CACNA2D3: variants seen among roughly 807,000 people sequenced by gnomAD.
The protein encoded by CACNA2D3 is calcium voltage-gated channel auxiliary subunit alpha2delta 3, also known as voltage-dependent calcium channel subunit alpha-2/delta-3.
In CACNA2D3, 60 loss-of-function variants were observed where a neutral mutation model predicts 160.6. The ratio of observed to expected loss-of-function variants is 0.37; its 90% CI spans 0.30 to 0.46. The LOEUF is 0.46. Among genes scored for constraint, CACNA2D3 ranks in the 20% least tolerant of loss-of-function variants. CACNA2D3 has a pLI of 1.00. For missense variants in CACNA2D3, 1,205 were observed against 1,365.0 expected (o/e 0.88, Z 1.85); for synonymous variants, 558 against 492.9 (o/e 1.13, Z -1.75).
chr3:54,847,350 C>G (rs778409165), intron 17 of CACNA2D3, among the ~76,000 whole-genome samples: 1 of 95,270 alleles, frequency 1.0e-5, no homozygotes, highest in Non-Finnish European at 2.3e-5. Context: ...CTTTAGCAAT[C>G]AACAAACACA....
intron 35 of CACNA2D3, among the ~76,000 whole-genome samples, chr3:55,027,061 T>C (rs1703578438): frequency 6.6e-6 from 1 of 152,202 alleles, no homozygotes; most frequent in Non-Finnish European, 1.5e-5. Context: ...TTCCTCCTCC[T>C]CTTCTTTTTA....
intron 3 of CACNA2D3, among the ~76,000 whole-genome samples, chr3:54,322,330 C>G (rs1704020880): frequency 6.6e-6 from 1 of 152,240 alleles, no homozygotes; most frequent in South Asian, 2.1e-4. Context: ...CACTTACCAG[C>G]CTGGCGGCAT....
In CACNA2D3 at chr3:54,463,078, T is replaced by G. The variant is rs544515290; in HGVS notation, c.382-40414T>G. Among the ~76,000 whole-genome samples, 30 of 152,200 alleles carry G rather than the reference T, an allele frequency of 2.0e-4. No individual in the cohort carries two copies. In the East Asian group the frequency reaches 4.1e-3, roughly 21 times the overall value. Reference sequence around the variant, plus strand: ...ATGAAATTCTGGGTTGAAAATTCTTTTCTTTAAGAATGTTGAATATTGGCC... The same window carrying G: ...ATGAAATTCTGGGTTGAAAATTCTTGTCTTTAAGAATGTTGAATATTGGCC... On this transcript the variant is annotated intron_variant, in intron 4 of 37. Coordinates refer to ENST00000474759, the MANE Select transcript of CACNA2D3 (RefSeq NM_018398.3).
At chr3:54,622,979 A>C (rs1699022716) in intron 9 of CACNA2D3, among the ~76,000 whole-genome samples, 1 of 152,190 alleles carries the variant, frequency 6.6e-6, no homozygotes. Context: ...GAGGAGGGGC[A>C]TAGGGGAGAA....
At chr3:54,994,849 T>G (rs1702821165) in intron 31 of CACNA2D3, among the ~76,000 whole-genome samples, 2 of 152,234 alleles carry the variant, frequency 1.3e-5, no homozygotes, top group South Asian at 4.1e-4. Context: ...CATGTTCTCC[T>G]GATAACCATT....
chr3:54,718,945 AT>A (rs933644643), intron 11 of CACNA2D3, among the ~76,000 whole-genome samples: 7 of 151,816 alleles, frequency 4.6e-5, no homozygotes, highest in African/African-American at 9.7e-5. Flanking sequence ...GAGTTTTTTA[AT>A]TTTTTATTTT....
chr3:54,837,123 C>G, intron 14 of CACNA2D3, 36 bp from the exon 15 acceptor site: 1 of 1,600,740 alleles, frequency 6.2e-7, no homozygotes. Flanking sequence ...GGTTTCCAGA[C>G]CGTTCCCCGG....
At chr3:55,013,916 A>T (rs1490676385) in intron 34 of CACNA2D3, among the ~76,000 whole-genome samples, 1 of 149,844 alleles carries the variant, frequency 6.7e-6, no homozygotes, top group Non-Finnish European at 1.5e-5. Context: ...GGGAAAATTA[A>T]AGAAATTCAG....
At position 54,298,969 on chromosome 3, in the gene CACNA2D3, AAAAAG is replaced by A. The variant is rs1327077670; in HGVS notation, c.205-21470_205-21466del. Among the ~76,000 whole-genome samples, 58 of 83,582 alleles carry A rather than the reference AAAAAG, an allele frequency of 6.9e-4. 1 individual carries two copies. In the South Asian group the frequency reaches 0.011, roughly 15 times the overall value. 54.8% of individuals were successfully genotyped at this position (83,582 alleles called of 152,430 possible). Reference sequence around the variant, plus strand: ...TAAAAAAAAAAAAAAAAAAAAAAAAAAAAAGAAGAAGAAAGAGGAAAGAGTATGGA... The same window carrying A: ...TAAAAAAAAAAAAAAAAAAAAAAAAAAAGAAGAAAGAGGAAAGAGTATGGA... On this transcript the variant is annotated intron_variant, in intron 2 of 37. Transcript: ENST00000474759.
intron 2 of CACNA2D3, among the ~76,000 whole-genome samples, chr3:54,233,972 G>T (rs564289151): frequency 3.9e-5 from 6 of 152,138 alleles, no homozygotes; most frequent in East Asian, 1.9e-4. Flanking sequence ...AACGGGCAAA[G>T]ATTTCATGAC....
chr3:54,339,182 A>G (rs1005461075), intron 3 of CACNA2D3, among the ~76,000 whole-genome samples: 1 of 151,184 alleles, frequency 6.6e-6, no homozygotes, highest in Non-Finnish European at 1.5e-5. Context: ...TCCCTCCGGG[A>G]CCTCCCTCAA....
intron 2 of CACNA2D3, among the ~76,000 whole-genome samples, chr3:54,178,936 C>A (rs1700724640): frequency 6.6e-6 from 1 of 152,044 alleles, no homozygotes; most frequent in African/African-American, 2.4e-5. Context: ...TAGGTGACAG[C>A]CTTGAAGCTT....
chr3:54,406,114 GC>G (rs1231351540), intron 4 of CACNA2D3, among the ~76,000 whole-genome samples: 1 of 152,076 alleles, frequency 6.6e-6, no homozygotes, highest in Non-Finnish European at 1.5e-5. Context: ...GATTGGTGTA[GC>G]CATTATGAAA....
At chr3:54,150,388 G>A (rs1302969651) in intron 2 of CACNA2D3, among the ~76,000 whole-genome samples, 1 of 152,190 alleles carries the variant, frequency 6.6e-6, no homozygotes, top group African/African-American at 2.4e-5. Flanking sequence ...AGGGGCAAGA[G>A]TATGGAAATG....
intron 2 of CACNA2D3, among the ~76,000 whole-genome samples, chr3:54,200,641 A>G (rs770634080): frequency 2.0e-5 from 3 of 152,150 alleles, no homozygotes; most frequent in Non-Finnish European, 4.4e-5. Context: ...TAAAATGCAA[A>G]CGATCTCTAG....
intron 14 of CACNA2D3, among the ~76,000 whole-genome samples, chr3:54,830,623 T>G (rs1371399183): frequency 6.6e-6 from 1 of 151,882 alleles, no homozygotes; most frequent in Non-Finnish European, 1.5e-5. Flanking sequence ...CCCAGCTAAT[T>G]TTTGTATTTT....
At chr3:54,331,958 A>G (rs1193543697) in intron 3 of CACNA2D3, among the ~76,000 whole-genome samples, 3 of 152,242 alleles carry the variant, frequency 2.0e-5, no homozygotes, top group Admixed American at 6.5e-5. Flanking sequence ...GGTCCCCAGC[A>G]TAACTTTCCT....
At chr3:54,497,424 G>A (rs1187751643) in intron 4 of CACNA2D3, among the ~76,000 whole-genome samples, 1 of 151,862 alleles carries the variant, frequency 6.6e-6, no homozygotes, top group Non-Finnish European at 1.5e-5. Context: ...CAACTGTTTT[G>A]TGTTAGTATA....
chr3:54,893,079 C>T (rs112886036), intron 25 of CACNA2D3, among the ~76,000 whole-genome samples: 61 of 152,216 alleles, frequency 4.0e-4, no homozygotes, highest in Non-Finnish European at 7.2e-4. Context: ...AGTTTGAGAC[C>T]AGCCTGGTCA....
Sources: allele counts gnomAD v4.1 joint callset (sites outside exome capture counted in the v4.1 genomes callset), GRCh38; gene constraint gnomAD v4.1.1; transcripts MANE v1.5; gene names NCBI Gene and HGNC (gene_info 2026-07-23, HGNC 2026-07-21).